Variants in PPOX observed in about 807,000 individuals in gnomAD.
PPOX encodes the protein protoporphyrinogen oxidase.
PPOX carries 23 observed loss-of-function variants against 54.1 expected under a neutral mutation model. The ratio of observed to expected loss-of-function variants is 0.43; its 90% CI spans 0.31 to 0.60. PPOX has a LOEUF of 0.60. Ranked by LOEUF, PPOX falls within the 20% of genes least tolerant of loss-of-function variation. The probability of loss-of-function intolerance (pLI) is 0.13; values close to 1 mark genes in which losing one functional copy is unlikely to be tolerated. For synonymous variants in PPOX, 224 were observed against 236.1 expected, an observed-to-expected ratio of 0.95 and a Z score of 0.47; for missense variants, 512 against 601.1, an observed-to-expected ratio of 0.85 and a Z score of 1.55.
In PPOX at chr1:161,170,659, A is replaced by G. The variant is rs757383803; in HGVS notation, c.1138A>G (p.Ser380Gly). 5 of 1,614,056 alleles carry G rather than the reference A, an allele frequency of 3.1e-6. No homozygotes were observed. Among genetic ancestry groups the G allele is most frequent in the Non-Finnish European group, 3.4e-6 (4 of 1,180,046 alleles). ...TTCCTGGTTACAGACACTGGAGGCT[A>G]GTGGCTGTGTCTTATCTCAGGAGCT... Reference protein sequence around the residue: ...GGSWLQTLEASGCVLSQELFQ... With the variant: ...GGSWLQTLEAGGCVLSQELFQ... The change falls in exon 11 of 13, where the codon AGT (serine) becomes GGT (glycine). Residue 380 changes from serine (S) to glycine (G), a missense_variant. Transcript: ENST00000367999.
rs201881729 is a variant in PPOX, at chr1:161,167,334, C to T, written c.223-37C>T. On this transcript the variant is annotated intron_variant, in intron 3 of 12. Coordinates refer to ENST00000367999, the MANE Select transcript of PPOX (RefSeq NM_001122764.3). ...GTATGTTTGGTGGGTCAGATCTTCC[C>T]TTAGTTTCTCCTCTTCTGAGGGCAT... 127 of 1,614,046 alleles carry T rather than the reference C, an allele frequency of 7.9e-5. 1 individual carries two copies. The East Asian group carries it at 2.7e-3, about 34-fold the overall frequency.
intron 7 of PPOX, 76 bp downstream of exon 7, chr1:161,169,259 C>T (rs892156480): frequency 2.2e-5 from 33 of 1,527,170 alleles, no homozygotes; most frequent in Middle Eastern, 1.7e-4. Flanking sequence ...AGGCCAGGGC[C>T]GATAGGACTG....
upstream of PPOX, chr1:161,165,741 T>G: frequency 3.4e-6 from 1 of 290,932 alleles, no homozygotes; most frequent in East Asian, 6.3e-5. Context: ...CTTATTTGTA[T>G]TTTTGCTTAG....
chr1:161,177,595 G>T (rs111597473), downstream of PPOX: 1 of 158,964 alleles, frequency 6.3e-6, no homozygotes. Context: ...GTGGCCGGGG[G>T]CTTGTGAGGG....
chr1:161,166,774 C>T (rs1659058491), intron 1 of PPOX, 66 bp from the exon 2 acceptor site: 1 of 1,597,918 alleles, frequency 6.3e-7, no homozygotes, highest in Non-Finnish European at 8.5e-7. Context: ...GAACTCAAAA[C>T]CGGCGGGGCT....
downstream of PPOX, chr1:161,171,875 G>C (rs1211386681): frequency 6.2e-7 from 1 of 1,614,196 alleles, no homozygotes; most frequent in South Asian, 1.1e-5. Flanking sequence ...GGCCTGGCTG[G>C]GGGCCGGCGT....
chr1:161,171,768 C>T (rs1207264794), downstream of PPOX: 16 of 1,601,058 alleles, frequency 1.0e-5, no homozygotes, highest in Non-Finnish European at 1.4e-5. Context: ...GGGGAGAATA[C>T]AACCCCATGA....
At chr1:161,170,321 T>TGGGCG in intron 9 of PPOX, 88 bp from the exon 10 acceptor site, 1 of 367,768 alleles carries the variant, frequency 2.7e-6, no homozygotes, top group Non-Finnish European at 5.3e-6. Flanking sequence ...TGAGACTCTG[T>TGGGCG]CCCCCCCACC....
intron 1 of PPOX, 23 bp downstream of exon 1, chr1:161,166,695 G>A (rs1256875750): frequency 5.9e-6 from 9 of 1,523,332 alleles, no homozygotes; most frequent in Non-Finnish European, 7.9e-6. Context: ...CCCTGGACGG[G>A]GACCTCGCTG....
At chr1:161,166,739 C>G in intron 1 of PPOX, 67 bp downstream of exon 1, 3 of 1,563,394 alleles carry the variant, frequency 1.9e-6, no homozygotes, top group South Asian at 1.2e-5. Flanking sequence ...CTTAGTTTCC[C>G]CTAAAGCAGT....
downstream of PPOX, among the ~76,000 whole-genome samples, chr1:161,173,086 A>G (rs1213514750): frequency 6.6e-6 from 1 of 150,702 alleles, no homozygotes; most frequent in Non-Finnish European, 1.5e-5. Flanking sequence ...CAGAGGACAC[A>G]GGGGGAATGG....
At position 161,168,869 on chromosome 1, in the gene PPOX, G is replaced by C. The variant is rs562392388; in HGVS notation, c.617-124G>C. ...TGTAGAGATGCAGTTTCACTATGTT[G>C]GCCAGGCTGGTCTCAAACTCCTGAC... is the stretch of plus-strand genomic sequence containing the variant. On this transcript the variant is annotated intron_variant, in intron 6 of 12. Coordinates refer to ENST00000367999, the MANE Select transcript of PPOX (RefSeq NM_001122764.3). The C allele has an allele frequency of 4.8e-4, 533 of 1,117,992 alleles. 9 individuals are homozygous for C. The South Asian group carries it at 5.3e-3, about 11-fold the overall frequency. The allele number at this position is 1,117,992 out of a possible 1,614,324, so 69.3% of individuals were successfully genotyped here. A position where few individuals can be genotyped will look rare whatever the true frequency, so the allele number is the denominator to read the frequency against.
chr1:161,172,013 G>T (rs751099833), downstream of PPOX: 9 of 1,614,206 alleles, frequency 5.6e-6, no homozygotes, highest in African/African-American at 1.3e-5. Context: ...CCCAGCTCTC[G>T]AGCCAGCAAC....
At chr1:161,167,639 AC>A in intron 4 of PPOX, 153 bp downstream of exon 4, 1 of 1,099,052 alleles carries the variant, frequency 9.1e-7, no homozygotes, top group African/African-American at 1.8e-5. Flanking sequence ...ATCTTGGCTC[AC>A]TGCAACTTCC....
chr1:161,167,081 C>T lies in PPOX; in HGVS notation c.88-19C>T, dbSNP rs373603280. 5.0e-6 allele frequency: 8 copies of T among 1,614,100 alleles called. No individual in the cohort carries two copies. The highest frequency in any genetic ancestry group is 1.6e-4 in the Middle Eastern group (1 of 6,084). ...GCGGCTACAGGCGGTGCTGCAGTGT[C>T]TCTCCCTCTTGTCGCCAGGTGGTCC... is the stretch of plus-strand genomic sequence containing the variant. On this transcript the variant is annotated intron_variant, in intron 2 of 12. Coordinates refer to ENST00000367999, the MANE Select transcript of PPOX (RefSeq NM_001122764.3).
At position 161,166,435 on chromosome 1, in the gene PPOX, G is replaced by T. The variant is rs114493458; in HGVS notation, c.-246G>T. 5,118 of 1,185,956 alleles carry T rather than the reference G, an allele frequency of 4.3e-3. 17 individuals are homozygous for T. Among genetic ancestry groups the T allele is most frequent in the Non-Finnish European group, 5.1e-3 (4,861 of 944,908 alleles). The allele number at this position is 1,185,956 out of a possible 1,614,324, so 73.5% of individuals were successfully genotyped here. The stretch of plus-strand genomic sequence containing the variant: ...GCCGCGAGAACAGAGTGGACGGAGC[G>T]TAGGAGAGACCGAAAAGGCTGGGGG... On this transcript the variant is annotated 5_prime_UTR_variant, in exon 1 of 13. Coordinates refer to ENST00000367999, the MANE Select transcript of PPOX (RefSeq NM_001122764.3).
intron 7 of PPOX, 37 bp from the exon 8 acceptor site, chr1:161,169,623 C>T: frequency 6.2e-7 from 1 of 1,604,100 alleles, no homozygotes; most frequent in Non-Finnish European, 8.5e-7. Flanking sequence ...ATCAAATTCT[C>T]ATTTTCTGGG....
At chr1:161,175,831 C>G (rs1236679103), downstream of PPOX, 1 of 1,614,102 alleles carries the variant, frequency 6.2e-7, no homozygotes, top group African/African-American at 1.3e-5. Context: ...TCGTTCTGGA[C>G]AGTAGGGCAG....
chr1:161,166,103 C>T (rs1012572341), upstream of PPOX: 4 of 985,226 alleles, frequency 4.1e-6, no homozygotes, highest in Non-Finnish European at 3.6e-6. Flanking sequence ...CCTTAAGTGT[C>T]CCTATCTATT....
Sources: gnomAD v4.1 joint callset for allele counts (sites outside exome capture counted in the v4.1 genomes callset) on GRCh38, gnomAD v4.1.1 for gene constraint, MANE v1.5 for transcripts, NCBI Gene and HGNC (gene_info 2026-07-23, HGNC 2026-07-21) for gene names.